Variants in ST7 observed in about 807,000 individuals in gnomAD.
The protein encoded by ST7 is suppression of tumorigenicity 7.
In ST7, 28 loss-of-function variants were observed where a neutral mutation model predicts 78.7. The ratio of observed to expected loss-of-function variants is 0.36; its 90% CI spans 0.26 to 0.49. The LOEUF is 0.49. Ranked by LOEUF, ST7 falls within the 20% of genes least tolerant of loss-of-function variation. The probability of loss-of-function intolerance (pLI) is 0.99; values close to 1 mark genes in which losing one functional copy is unlikely to be tolerated. For synonymous variants in ST7, 247 were observed against 249.6 expected, an observed-to-expected ratio of 0.99 and a Z score of 0.10; for missense variants, 418 against 696.0, an observed-to-expected ratio of 0.60 and a Z score of 4.49.
chr7:117,152,828 T>C (rs1317633276), intron 9 of ST7, among the ~76,000 whole-genome samples: 2 of 152,092 alleles, frequency 1.3e-5, no homozygotes, highest in East Asian at 1.9e-4. Context: ...TGCTGAAGAG[T>C]CAAAGGTCAT....
intron 1 of ST7, among the ~76,000 whole-genome samples, chr7:117,089,479 T>A (rs1800414987): frequency 6.6e-6 from 1 of 151,012 alleles, no homozygotes; most frequent in Non-Finnish European, 1.5e-5. Context: ...GAAGAAGACT[T>A]AAAACAAAAC....
rs920571143 is a variant in ST7, at chr7:117,048,600, C to T, written c.152-51162C>T. On this transcript the variant is annotated intron_variant, in intron 1 of 15. Transcript: ENST00000323984. The stretch of plus-strand genomic sequence containing the variant: ...ATCTTGAAACCCTTTACCCACCCCA[C>T]CCCACCTGCTCCTTTTTGCCATATC... Among the ~76,000 whole-genome samples the T allele has an allele frequency of 5.3e-5, 8 of 152,298 alleles. No homozygotes were observed. In the South Asian group the frequency reaches 1.0e-3, roughly 20 times the overall value.
At chr7:117,201,857 C>G (rs574289210) in intron 12 of ST7, among the ~76,000 whole-genome samples, 1 of 152,262 alleles carries the variant, frequency 6.6e-6, no homozygotes, top group African/African-American at 2.4e-5. Flanking sequence ...CTGTGCCACT[C>G]CTGTATGTCA....
intron 10 of ST7, among the ~76,000 whole-genome samples, chr7:117,172,211 C>T (rs1808050146): frequency 6.6e-6 from 1 of 152,298 alleles, no homozygotes; most frequent in East Asian, 1.9e-4. Flanking sequence ...CCGCAAGGCA[C>T]TGGGAGTACA....
intron 1 of ST7, among the ~76,000 whole-genome samples, chr7:117,090,457 G>A (rs1214916475): frequency 6.6e-6 from 1 of 152,164 alleles, no homozygotes. Flanking sequence ...TCTGTGCTGG[G>A]TGCTCTGTGT....
chr7:117,099,054 AAAAAAAAAAAAC>A (rs1449743616), intron 1 of ST7, among the ~76,000 whole-genome samples: 53 of 144,432 alleles, frequency 3.7e-4, no homozygotes, highest in East Asian at 3.4e-3. Context: ...CGCAAAAAAA[AAAAAAAAAAAAC>A]AAAAAAAAAA....
chr7:116,989,848 A>T (rs998106943), intron 1 of ST7, among the ~76,000 whole-genome samples: 32 of 151,618 alleles, frequency 2.1e-4, no homozygotes, highest in African/African-American at 7.5e-4. Flanking sequence ...CCAAAAAAAA[A>T]TTTTTTTTTC....
intron 9 of ST7, among the ~76,000 whole-genome samples, chr7:117,165,439 T>A (rs1324998593): frequency 1.3e-5 from 2 of 151,998 alleles, no homozygotes; most frequent in East Asian, 3.9e-4. Flanking sequence ...TAATGGAAGA[T>A]TATAAATGAT....
chr7:116,959,778 TA>T (rs1184819322), intron 1 of ST7: 1 of 152,232 alleles, frequency 6.6e-6, no homozygotes, highest in Non-Finnish European at 1.5e-5. Context: ...TTTTTGGAGA[TA>T]TTTTTCTCAG....
Position 117,219,345 on chromosome 7 carries a change from GCTTC to G in ST7, c.1498+173_1498+176del, listed in dbSNP as rs2116150636. ...AAAGTGAATTATGTGAGTGGGTTTGGCTTCCTTTTCCTCCAAGTCTCTCCAAATT... is the reference window on the plus strand; with the variant it reads ...AAAGTGAATTATGTGAGTGGGTTTGGCTTTTCCTCCAAGTCTCTCCAAATT... On this transcript the variant is annotated intron_variant, in intron 14 of 15. Transcript: ENST00000323984. The surrounding 1 kb of genome is among the most constrained non-coding windows in gnomAD (Gnocchi z 5.1). 6.6e-6 allele frequency among the ~76,000 whole-genome samples: 1 copy of G among 152,270 alleles called. No individual in the cohort carries two copies. Among genetic ancestry groups the G allele is most frequent in the South Asian group, 2.1e-4 (1 of 4,822 alleles).
intron 9 of ST7, among the ~76,000 whole-genome samples, chr7:117,149,602 T>G (rs1293905387): frequency 6.7e-6 from 1 of 149,422 alleles, no homozygotes; most frequent in African/African-American, 2.5e-5. Context: ...CTTTTTTTTT[T>G]TTTTTTTTTT....
At chr7:116,960,171 T>C (rs1413352294) in intron 1 of ST7, among the ~76,000 whole-genome samples, 1 of 151,998 alleles carries the variant, frequency 6.6e-6, no homozygotes, top group Non-Finnish European at 1.5e-5. Flanking sequence ...CCAAATACGC[T>C]GGGATTCTTT....
At position 116,972,130 on chromosome 7, in the gene ST7, G is replaced by T. The variant is rs1431028319; in HGVS notation, c.151+18439G>T. 2.5e-5 allele frequency: 14 copies of T among 552,874 alleles called. No homozygotes were observed. In the East Asian group the frequency reaches 5.5e-4, roughly 22 times the overall value. The allele number at this position is 552,874 out of a possible 1,614,324, so 34.2% of individuals were successfully genotyped here. A position where few individuals can be genotyped will look rare whatever the true frequency, so the allele number is the denominator to read the frequency against. On this transcript the variant is annotated intron_variant, in intron 1 of 15. Coordinates refer to ENST00000323984, the MANE Select transcript of ST7 (RefSeq NM_001369598.1). ...CTGGCCTCAGGCAGAGTCAGGGTCA[G>T]AGGGAGGAGCAGCAGCAGGGTGGGA...
chr7:117,088,932 A>G (rs1277779761), intron 1 of ST7, among the ~76,000 whole-genome samples: 1 of 152,216 alleles, frequency 6.6e-6, no homozygotes, highest in African/African-American at 2.4e-5. Context: ...ACCAAGCACT[A>G]AGTAAGAAAA....
At chr7:117,068,667 G>A (rs1798762507) in intron 1 of ST7, among the ~76,000 whole-genome samples, 1 of 152,216 alleles carries the variant, frequency 6.6e-6, no homozygotes, top group Admixed American at 6.5e-5. Flanking sequence ...TTTCTGTGCA[G>A]TGAGCAGCTG....
chr7:117,028,705 T>C (rs1796325056), intron 1 of ST7, among the ~76,000 whole-genome samples: 1 of 152,238 alleles, frequency 6.6e-6, no homozygotes, highest in South Asian at 2.1e-4. Flanking sequence ...TTCACAGTTC[T>C]GTGGGTTGAC....
At chr7:117,045,566 C>T (rs1421496206) in intron 1 of ST7, among the ~76,000 whole-genome samples, 1 of 152,168 alleles carries the variant, frequency 6.6e-6, no homozygotes, top group Non-Finnish European at 1.5e-5. Flanking sequence ...ACTCATCTCT[C>T]GTACCCTATT....
chr7:117,129,749 C>A, intron 3 of ST7, 44 bp from the exon 4 acceptor site: 1 of 1,486,244 alleles, frequency 6.7e-7, no homozygotes, highest in South Asian at 1.1e-5. Flanking sequence ...CTTGTAGTGT[C>A]ACTGAACTTA....
At chr7:117,006,984 C>T (rs561843922) in intron 1 of ST7, among the ~76,000 whole-genome samples, 5 of 152,334 alleles carry the variant, frequency 3.3e-5, no homozygotes, top group Non-Finnish European at 7.4e-5. Flanking sequence ...TCTAGTTTCT[C>T]TCCCTCTCTT....
Sources: allele counts gnomAD v4.1 joint callset (sites outside exome capture counted in the v4.1 genomes callset), GRCh38; gene constraint gnomAD v4.1.1; non-coding constraint Gnocchi (gnomAD v3.1); transcripts MANE v1.5; gene names NCBI Gene and HGNC (gene_info 2026-07-23, HGNC 2026-07-21).